The following ITGB6 variants were observed in gnomAD, a reference collection of about 807,000 sequenced individuals.
ITGB6 encodes the protein integrin subunit beta 6, also known as integrin beta-6.
In ITGB6, 80 loss-of-function variants were observed where a neutral mutation model predicts 84.5. The ratio of observed to expected loss-of-function variants is 0.95; its 90% CI spans 0.79 to 1.14. The LOEUF is 1.14. Ranked by LOEUF, ITGB6 falls within the 50% of genes most tolerant of loss-of-function variation. ITGB6 has a pLI of 0.00. For missense variants in ITGB6, 1,006 were observed against 968.0 expected (o/e 1.04, Z -0.52); for synonymous variants, 383 against 354.9 (o/e 1.08, Z -0.89).
chr2:160,137,151 T>C (rs1188599543), intron 10 of ITGB6, among the ~76,000 whole-genome samples: 1 of 152,008 alleles, frequency 6.6e-6, no homozygotes, highest in Admixed American at 6.6e-5. Flanking sequence ...CAGGCACTTT[T>C]GTAGAGTCTG....
intron 8 of ITGB6, among the ~76,000 whole-genome samples, chr2:160,141,326 G>A (rs1427001612): frequency 6.6e-6 from 1 of 152,034 alleles, no homozygotes; most frequent in East Asian, 1.9e-4. Flanking sequence ...GCCATCCATT[G>A]TTGACTAATG....
rs750190939 is a variant in ITGB6 at position 160,195,399 on chromosome 2, G to A, written c.563C>T (p.Thr188Ile). ...VEKPVSPFVK[T>I]TPEEIANPCS... ...AGGGTTGGCAATTTCTTCTGGTGTT[G>A]TTTTCACAAAAGGGGATACAGGTTT... Residue 188 changes from threonine (T) to isoleucine (I), a missense_variant, in exon 4 of 15, where the codon ACA becomes ATA. Coordinates refer to ENST00000283249, the MANE Select transcript of ITGB6 (RefSeq NM_000888.5). The A allele has an allele frequency of 5.0e-6, 8 of 1,614,158 alleles. No individual in the cohort carries two copies. The highest frequency in any genetic ancestry group is 6.8e-6 in the Non-Finnish European group (8 of 1,179,994).
chr2:160,109,060 G>A (rs1469425189), intron 13 of ITGB6, among the ~76,000 whole-genome samples: 2 of 152,180 alleles, frequency 1.3e-5, no homozygotes, highest in African/African-American at 4.8e-5. Flanking sequence ...AAGTCTTACT[G>A]CTTTTAGATA....
At chr2:160,160,189 TA>T (rs1479496312) in intron 7 of ITGB6, among the ~76,000 whole-genome samples, 1 of 152,248 alleles carries the variant, frequency 6.6e-6, no homozygotes, top group Non-Finnish European at 1.5e-5. Flanking sequence ...CCACAATGCC[TA>T]ACTTACTATT....
chr2:160,171,460 G>A (rs10171882), intron 6 of ITGB6, among the ~76,000 whole-genome samples: 2 of 150,718 alleles, frequency 1.3e-5, no homozygotes, highest in South Asian at 2.1e-4. Flanking sequence ...TCAGCCTCCC[G>A]AGTAGTTGGG....
intron 7 of ITGB6, among the ~76,000 whole-genome samples, chr2:160,152,480 C>T (rs1432143988): frequency 1.3e-5 from 2 of 152,196 alleles, no homozygotes; most frequent in African/African-American, 4.8e-5. Context: ...GACAAACCCA[C>T]AGCCAATATC....
At chr2:160,147,433 A>G (rs1323527074) in intron 7 of ITGB6, among the ~76,000 whole-genome samples, 1 of 152,234 alleles carries the variant, frequency 6.6e-6, no homozygotes, top group African/African-American at 2.4e-5. Context: ...ATTTAATGCA[A>G]TGCCAATCAA....
At chr2:160,132,672 G>A (rs562693857) in intron 10 of ITGB6, among the ~76,000 whole-genome samples, 1 of 152,098 alleles carries the variant, frequency 6.6e-6, no homozygotes, top group South Asian at 2.1e-4. Flanking sequence ...TACTGTTTAA[G>A]AGTATATGAA....
intron 7 of ITGB6, among the ~76,000 whole-genome samples, chr2:160,155,164 A>G (rs1684576364): frequency 6.6e-6 from 1 of 152,162 alleles, no homozygotes; most frequent in African/African-American, 2.4e-5. Context: ...TCTTTTCTTT[A>G]TAAATTACCC....
At chr2:160,155,339 A>G (rs1341011545) in intron 7 of ITGB6, among the ~76,000 whole-genome samples, 3 of 152,214 alleles carry the variant, frequency 2.0e-5, no homozygotes, top group Admixed American at 2.0e-4. Flanking sequence ...AACACAGAGA[A>G]GTTTTAAAGC....
intron 7 of ITGB6, among the ~76,000 whole-genome samples, chr2:160,165,731 G>C (rs1355880893): frequency 1.3e-5 from 2 of 152,168 alleles, no homozygotes; most frequent in Non-Finnish European, 2.9e-5. Flanking sequence ...ACTTGCTCAG[G>C]GTGTTCCTTT....
chr2:160,119,876 CA>C (rs1682953224), intron 12 of ITGB6, among the ~76,000 whole-genome samples: 1 of 152,094 alleles, frequency 6.6e-6, no homozygotes, highest in African/African-American at 2.4e-5. Context: ...AGACACTTGT[CA>C]AAAGAAGACA....
intron 4 of ITGB6, among the ~76,000 whole-genome samples, chr2:160,178,113 G>T (rs1685504585): frequency 6.6e-6 from 1 of 152,208 alleles, no homozygotes; most frequent in Non-Finnish European, 1.5e-5. Flanking sequence ...GACCTCAAGT[G>T]ATGCACCCAC....
intron 4 of ITGB6, among the ~76,000 whole-genome samples, chr2:160,183,245 A>G (rs1199759519): frequency 6.6e-6 from 1 of 152,224 alleles, no homozygotes; most frequent in East Asian, 1.9e-4. Context: ...CAGGAGACAC[A>G]TGTCACGTAC....
intron 8 of ITGB6, among the ~76,000 whole-genome samples, chr2:160,140,392 C>T (rs1472452390): frequency 6.6e-6 from 1 of 152,186 alleles, no homozygotes; most frequent in Non-Finnish European, 1.5e-5. Context: ...TGAGCCATAA[C>T]CTCTGGCAGA....
intron 7 of ITGB6, among the ~76,000 whole-genome samples, chr2:160,164,381 AG>A (rs1443115080): frequency 6.6e-6 from 1 of 152,226 alleles, no homozygotes; most frequent in Non-Finnish European, 1.5e-5. Context: ...CAAAGCATTT[AG>A]ATCTCGCATT....
At chr2:160,199,649 C>T (rs1686479331) in intron 1 of ITGB6, among the ~76,000 whole-genome samples, 1 of 152,206 alleles carries the variant, frequency 6.6e-6, no homozygotes, top group Admixed American at 6.5e-5. Context: ...TGAAATAAAT[C>T]CTCTTTCTCT....
intron 4 of ITGB6, among the ~76,000 whole-genome samples, chr2:160,181,508 C>T (rs1685671599): frequency 6.6e-6 from 1 of 152,194 alleles, no homozygotes; most frequent in Admixed American, 6.5e-5. Flanking sequence ...TTAGATGAAA[C>T]TCCCATCTCC....
intron 13 of ITGB6, among the ~76,000 whole-genome samples, chr2:160,111,009 A>G (rs914497205): frequency 6.6e-6 from 1 of 152,222 alleles, no homozygotes; most frequent in Admixed American, 6.5e-5. Flanking sequence ...CATAATAAAA[A>G]GCATCAGGGC....
Sources: gnomAD v4.1 joint callset for allele counts (sites outside exome capture counted in the v4.1 genomes callset) on GRCh38, gnomAD v4.1.1 for gene constraint, MANE v1.5 for transcripts, NCBI Gene and HGNC (gene_info 2026-07-23, HGNC 2026-07-21) for gene names.